Variants in ENTPD7 observed in about 807,000 individuals in gnomAD.
ENTPD7 encodes NTPDase 7.
ENTPD7 carries 53 observed loss-of-function variants against 77.9 expected under a neutral mutation model. The observed-to-expected ratio is 0.68, with a 90% CI of 0.55 to 0.85. ENTPD7 has a LOEUF of 0.85. ENTPD7 is among the 40% of genes least tolerant of loss of function. The pLI is 0.00. For missense variants in ENTPD7, 636 were observed against 743.7 expected, an observed-to-expected ratio of 0.86 and a Z score of 1.68; for synonymous variants, 248 against 274.9, an observed-to-expected ratio of 0.90 and a Z score of 0.97.
chr10:99,702,475 T>C, intron 11 of ENTPD7, 37 bp from the exon 12 acceptor site: 3 of 1,496,946 alleles, frequency 2.0e-6, no homozygotes, highest in Non-Finnish European at 2.7e-6. Flanking sequence ...AGAATTCTTT[T>C]CTCTTTTTTT....
chr10:99,677,338 T>G (rs535641020), intron 3 of ENTPD7, among the ~76,000 whole-genome samples: 2 of 151,702 alleles, frequency 1.3e-5, no homozygotes, highest in Non-Finnish European at 1.5e-5. Flanking sequence ...AAAGACAATG[T>G]TGGATGAGCA....
rs548433509 is a variant in ENTPD7 at position 99,707,466 on chromosome 10, C to G, written c.*2783C>G. ...TAATAAAATAATTTGCTTCTAGGAG[C>G]AGAAATCTATCTTGCCATACCCTTT... is the stretch of plus-strand genomic sequence containing the variant. On this transcript the variant is annotated 3_prime_UTR_variant, in exon 13 of 13. Coordinates refer to ENST00000370489, the MANE Select transcript of ENTPD7 (RefSeq NM_020354.5). Among the ~76,000 whole-genome samples the G allele has an allele frequency of 7.9e-5, 12 of 152,326 alleles. No individual in the cohort carries two copies. Among genetic ancestry groups the G allele is most frequent in the Admixed American group, 1.3e-4 (2 of 15,310 alleles).
intron 5 of ENTPD7, among the ~76,000 whole-genome samples, chr10:99,684,425 G>A (rs1479240485): frequency 6.6e-6 from 1 of 152,108 alleles, no homozygotes; most frequent in African/African-American, 2.4e-5. Flanking sequence ...CAAAACCAAC[G>A]AACCCTCTCT....
chr10:99,679,651 G>A, intron 4 of ENTPD7, 74 bp from the exon 5 acceptor site: 1 of 1,525,928 alleles, frequency 6.6e-7, no homozygotes, highest in Non-Finnish European at 8.8e-7. Context: ...AACTTTATAG[G>A]GTATCAGTTT....
chr10:99,699,146 A>G (rs1476354720), intron 10 of ENTPD7, among the ~76,000 whole-genome samples: 2 of 152,278 alleles, frequency 1.3e-5, no homozygotes, highest in Non-Finnish European at 2.9e-5. Context: ...TTTTCTTCCA[A>G]CTTTCCAATA....
chr10:99,663,938 A>G (rs184445785), intron 3 of ENTPD7, among the ~76,000 whole-genome samples: 319 of 152,234 alleles, frequency 2.1e-3, no homozygotes, highest in Non-Finnish European at 3.7e-3. Context: ...GTTTTCCCAC[A>G]GCTCACTGAT....
chr10:99,666,767 G>A (rs769793010), intron 3 of ENTPD7, among the ~76,000 whole-genome samples: 4 of 152,180 alleles, frequency 2.6e-5, no homozygotes, highest in Admixed American at 1.3e-4. Context: ...CCTAACAGAA[G>A]GCATATTTTA....
chr10:99,665,836 G>A (rs2133440446), intron 3 of ENTPD7, among the ~76,000 whole-genome samples: 1 of 152,242 alleles, frequency 6.6e-6, no homozygotes, highest in East Asian at 1.9e-4. Context: ...TACCATGCCA[G>A]CCTCGACTTT....
rs141762300 is a variant in ENTPD7, at chr10:99,698,772, G to A, written c.1249G>A (p.Gly417Ser). 23 of 1,614,162 alleles carry A rather than the reference G, an allele frequency of 1.4e-5. No homozygotes were observed. The highest frequency in any genetic ancestry group is 2.2e-5 in the East Asian group (1 of 44,890). ...TGACTTCAACAACAGCGAGTTCTACGGCTTCTCTGAGTTTTTTTATTGTAC... is the reference window on the plus strand; with the variant it reads ...TGACTTCAACAACAGCGAGTTCTACAGCTTCTCTGAGTTTTTTTATTGTAC... The part of the protein sequence containing the change: ...PIDFNNSEFY[G>S]FSEFFYCTED... The change falls in exon 10 of 13, where the codon GGC (glycine) becomes AGC (serine). Residue 417 changes from glycine (G) to serine (S), a missense_variant. Transcript: ENST00000370489.
intron 10 of ENTPD7, among the ~76,000 whole-genome samples, chr10:99,700,520 G>A (rs2036098634): frequency 6.6e-6 from 1 of 151,728 alleles, no homozygotes. Flanking sequence ...TTTACTGCAT[G>A]ATTCCCTGGC....
chr10:99,679,699 T>C (rs2035727701), intron 4 of ENTPD7, 26 bp from the exon 5 acceptor site: 1 of 1,592,956 alleles, frequency 6.3e-7, no homozygotes, highest in Non-Finnish European at 8.5e-7. Context: ...AAGAAAGTTT[T>C]GTCTGTTTGT....
At chr10:99,664,594 C>T (rs1228688457) in intron 3 of ENTPD7, among the ~76,000 whole-genome samples, 1 of 151,890 alleles carries the variant, frequency 6.6e-6, no homozygotes, top group Non-Finnish European at 1.5e-5. Flanking sequence ...GGACTGCAGG[C>T]ACATGCCACC....
intron 2 of ENTPD7, chr10:99,660,526 G>GCGCA (rs749932854): frequency 1.6e-4 from 44 of 283,212 alleles, no homozygotes; most frequent in Non-Finnish European, 2.9e-4. Context: ...GAATGGATAC[G>GCGCA]CACACACACA....
intron 3 of ENTPD7, among the ~76,000 whole-genome samples, chr10:99,677,450 C>T (rs1248156259): frequency 6.6e-6 from 1 of 150,868 alleles, no homozygotes; most frequent in Non-Finnish European, 1.5e-5. Flanking sequence ...CCGAAACCTC[C>T]GCCTCCCAGG....
chr10:99,668,655 A>G (rs988078635), intron 3 of ENTPD7, among the ~76,000 whole-genome samples: 3 of 152,148 alleles, frequency 2.0e-5, no homozygotes, highest in Non-Finnish European at 4.4e-5. Context: ...CTGTTTTCCA[A>G]TTCTCTTCTC....
intron 4 of ENTPD7, 125 bp downstream of exon 4, chr10:99,679,591 A>C (rs2035726369): frequency 1.4e-6 from 2 of 1,427,498 alleles, no homozygotes; most frequent in Non-Finnish European, 1.9e-6. Context: ...TATCTCTTTC[A>C]TTGTCACCCC....
chr10:99,668,826 T>A (rs75596100), intron 3 of ENTPD7, among the ~76,000 whole-genome samples: 17,355 of 152,056 alleles, frequency 0.11, 1,194 homozygotes, highest in East Asian at 0.31. Flanking sequence ...GTGATTTTTT[T>A]ATATTATATT....
chr10:99,670,478 A>C lies in ENTPD7; in HGVS notation c.192-8783A>C, dbSNP rs568050126. On this transcript the variant is annotated intron_variant, in intron 3 of 12. Transcript: ENST00000370489. Reference sequence around the variant, plus strand: ...AGTCGTGTGTTATATAATGATTGGGATATGTTCTAATAAATGCATCATTAA... The same window carrying C: ...AGTCGTGTGTTATATAATGATTGGGCTATGTTCTAATAAATGCATCATTAA... Among the ~76,000 whole-genome samples the C allele has an allele frequency of 2.0e-5, 3 of 152,286 alleles. No homozygotes were observed. The East Asian group carries it at 5.8e-4, about 29-fold the overall frequency.
intron 5 of ENTPD7, among the ~76,000 whole-genome samples, chr10:99,681,391 A>G (rs1006143371): frequency 6.6e-6 from 1 of 151,652 alleles, no homozygotes; most frequent in African/African-American, 2.4e-5. Flanking sequence ...TGATTCTCCC[A>G]CCTCAGCCTC....
Sources: gnomAD v4.1 joint callset for allele counts (sites outside exome capture counted in the v4.1 genomes callset) on GRCh38, gnomAD v4.1.1 for gene constraint, MANE v1.5 for transcripts, NCBI Gene and HGNC (gene_info 2026-07-23, HGNC 2026-07-21) for gene names.